MTERF4: variants seen among roughly 807,000 people sequenced by gnomAD.
MTERF4 encodes mitochondrial transcription termination factor 4.
A neutral mutation model predicts 22.5 loss-of-function variants in MTERF4; 17 were observed. That is an observed-to-expected ratio of 0.75 (90% CI 0.52 to 1.13). The LOEUF (loss-of-function observed/expected upper bound fraction) is 1.13, where lower values mean the gene tolerates loss of function less well. Ranked by LOEUF, MTERF4 falls within the 50% of genes most tolerant of loss-of-function variation. The probability of loss-of-function intolerance (pLI) is 0.00; values close to 1 mark genes in which losing one functional copy is unlikely to be tolerated. For synonymous variants in MTERF4, 165 were observed against 175.3 expected (o/e 0.94, Z 0.47); for missense variants, 420 against 466.8 (o/e 0.90, Z 0.92).
rs573559894 is a variant in MTERF4, at chr2:241,078,071, C to T, written n.480-2389G>A. The stretch of plus-strand genomic sequence containing the variant: ...ACAAAAGCCAGAAAGTAGAAACCAC[C>T]AAAGTGTCAATCAACTAACGAAAGG... On this transcript the variant is annotated intron_variant and non_coding_transcript_variant, in intron 4 of 4. Coordinates refer to the MTERF4 transcript ENST00000464344. Among the ~76,000 whole-genome samples the T allele has an allele frequency of 2.8e-4, 42 of 152,256 alleles. No homozygotes were observed. In the South Asian group the frequency reaches 8.5e-3, roughly 31 times the overall value.
the MTERF4 span, chr2:241,062,807 G>C: frequency 6.2e-7 from 1 of 1,610,338 alleles, no homozygotes; most frequent in Admixed American, 1.7e-5. Flanking sequence ...ATGAGTGCCG[G>C]TCTCAGCCGT....
chr2:241,096,106 A>G lies in MTERF4; in HGVS notation c.1038T>C (p.Asp346=), dbSNP rs747627268. The change falls in exon 4 of 4, where the codon GAT becomes GAC. Residue 346 remains aspartate (D), a synonymous_variant. Coordinates refer to ENST00000391980, the MANE Select transcript of MTERF4 (RefSeq NM_182501.4). The surrounding 1 kb of genome is among the most constrained non-coding windows in gnomAD (Gnocchi z 5.1). The part of the protein sequence containing the change: ...RASLDEDEDD[D]DEEDNDEDDN... ...CATCCTCATCATTGTCCTCCTCATC[A>G]TCGTCATCCTCATCCTCATCCAGAC... The G allele has an allele frequency of 4.3e-6, 7 of 1,612,678 alleles. No individual in the cohort carries two copies. The highest frequency in any genetic ancestry group is 5.9e-6 in the Non-Finnish European group (7 of 1,179,690).
chr2:241,067,074 C>T, the MTERF4 span, among the ~76,000 whole-genome samples: 1,672 of 152,344 alleles, frequency 0.011, 30 homozygotes, highest in African/African-American at 0.033. Flanking sequence ...AAGGCCGCCC[C>T]ATGTGAGATC....
chr2:241,065,162 G>C, the MTERF4 span: 2 of 951,802 alleles, frequency 2.1e-6, no homozygotes, highest in Non-Finnish European at 3.1e-6. Flanking sequence ...TACGTGGCCA[G>C]GGACAAAGAA....
chr2:241,099,333 C>A, intron 2 of MTERF4, 63 bp downstream of exon 2: 1 of 1,546,716 alleles, frequency 6.5e-7, no homozygotes. Context: ...CCTCGGCCTC[C>A]CAAAGATCTG....
the MTERF4 span, chr2:241,063,971 C>T: frequency 4.3e-6 from 6 of 1,409,558 alleles, no homozygotes; most frequent in African/African-American, 1.4e-5. Flanking sequence ...CCCCCAGACT[C>T]CCCCCTTGCA....
chr2:241,081,825 T>C (rs1280013901), intron 4 of MTERF4: 2 of 1,477,406 alleles, frequency 1.4e-6, no homozygotes, highest in Non-Finnish European at 1.9e-6. Flanking sequence ...GGGCGCCCCT[T>C]CCAACACAGC....
chr2:241,073,608 G>A lies in MTERF4; in HGVS notation n.2554C>T. The stretch of plus-strand genomic sequence containing the variant: ...GACCCACCCAAACCACCCAGAGTCT[G>A]AGCTAGAGAGACTGGCTTTGATGCT... On this transcript the variant is annotated non_coding_transcript_exon_variant, in exon 5 of 5. Transcript: ENST00000464344. This position sits in a 1 kb window ranked among gnomAD's most constrained non-coding sequence, Gnocchi z 6.6. 1.8e-6 allele frequency: 1 copy of A among 547,914 alleles called. No homozygotes were observed. Among genetic ancestry groups the A allele is most frequent in the Middle Eastern group, 4.7e-4 (1 of 2,146 alleles). 33.9% of individuals were successfully genotyped at this position (547,914 alleles called of 1,614,324 possible). A position where few individuals can be genotyped will look rare whatever the true frequency, so the allele number is the denominator to read the frequency against.
the MTERF4 span, chr2:241,051,935 C>A: frequency 1.4e-6 from 2 of 1,470,106 alleles, no homozygotes; most frequent in East Asian, 4.9e-5. The surrounding 1 kb of genome is among the most constrained non-coding windows in gnomAD (Gnocchi z 4.7). Flanking sequence ...ATGCACCCTC[C>A]CTGCCAGCTG....
chr2:241,053,065 C>T, the MTERF4 span: 1 of 1,283,324 alleles, frequency 7.8e-7, no homozygotes, highest in Admixed American at 2.1e-5. Context: ...CATCCCTGGG[C>T]CCTGCAGTCG....
chr2:241,101,084 C>G (rs751815498), intron 1 of MTERF4: 5 of 448,486 alleles, frequency 1.1e-5, no homozygotes, highest in Non-Finnish European at 2.4e-5. Context: ...CAGGATGATT[C>G]AAGCATATTA....
chr2:241,068,435 C>T (rs756149176), downstream of MTERF4, among the ~76,000 whole-genome samples: 1 of 151,894 alleles, frequency 6.6e-6, no homozygotes, highest in Non-Finnish European at 1.5e-5. This position sits in a 1 kb window ranked among gnomAD's most constrained non-coding sequence, Gnocchi z 5.3. Context: ...AGAAAGCTTC[C>T]GAATCGTGCT....
downstream of MTERF4, chr2:241,087,175 T>C: frequency 3.8e-6 from 2 of 526,888 alleles, no homozygotes; most frequent in Non-Finnish European, 6.7e-6. Context: ...GGGTTTATTT[T>C]ATGCATATTA....
At chr2:241,068,925 G>T (rs1342908146), downstream of MTERF4, 1 of 1,552,302 alleles carries the variant, frequency 6.4e-7, no homozygotes, top group Non-Finnish European at 8.7e-7. The surrounding 1 kb of genome is among the most constrained non-coding windows in gnomAD (Gnocchi z 5.3). Flanking sequence ...CTGCTGCCTG[G>T]GAAGAGGTAC....
chr2:241,063,414 C>G, the MTERF4 span: 1 of 625,888 alleles, frequency 1.6e-6, no homozygotes, highest in South Asian at 1.8e-5. Flanking sequence ...GGTGGCACGC[C>G]TCCCGAGGAG....
At chr2:241,090,177 T>C (rs1226822961), downstream of MTERF4, 8 of 1,462,224 alleles carry the variant, frequency 5.5e-6, no homozygotes, top group Non-Finnish European at 9.1e-7. Context: ...TTGTTTTCTG[T>C]CCTTAGTGCT....
the MTERF4 span, chr2:241,064,031 C>T: frequency 1.3e-6 from 2 of 1,557,480 alleles, no homozygotes; most frequent in Non-Finnish European, 1.7e-6. The surrounding 1 kb of genome is among the most constrained non-coding windows in gnomAD (Gnocchi z 7.0). Flanking sequence ...CCTGCGACTC[C>T]AGCCCCTGCC....
At chr2:241,071,978 C>T (rs1440244842), downstream of MTERF4, 11 of 1,029,216 alleles carry the variant, frequency 1.1e-5, no homozygotes, top group Non-Finnish European at 8.9e-6. Flanking sequence ...CCACCCCCAC[C>T]GCCAGCGCAG....
chr2:241,083,942 T>C (rs1575124572), downstream of MTERF4, among the ~76,000 whole-genome samples: 3 of 152,076 alleles, frequency 2.0e-5, no homozygotes, highest in East Asian at 5.8e-4. Flanking sequence ...TTTTGTTCCT[T>C]TTTTCTTTTT....
Sources: allele counts gnomAD v4.1 joint callset (sites outside exome capture counted in the v4.1 genomes callset), GRCh38; gene constraint gnomAD v4.1.1; non-coding constraint Gnocchi (gnomAD v3.1); transcripts MANE v1.5; gene names NCBI Gene and HGNC (gene_info 2026-07-23, HGNC 2026-07-21).